Variants in MICAL2 observed in about 807,000 individuals in gnomAD.
MICAL2 encodes [F-actin]-monooxygenase MICAL2.
Under a neutral mutation model 127.3 loss-of-function variants are expected in MICAL2, and 77 were observed. The ratio of observed to expected loss-of-function variants is 0.60; its 90% CI spans 0.50 to 0.73. The LOEUF (loss-of-function observed/expected upper bound fraction) is 0.73, where lower values mean the gene tolerates loss of function less well. MICAL2 is among the 30% of genes least tolerant of loss of function. MICAL2 has a pLI of 0.00. For missense variants in MICAL2, 1,351 were observed against 1,434.4 expected, an observed-to-expected ratio of 0.94 and a Z score of 0.94; for synonymous variants, 570 against 551.1, an observed-to-expected ratio of 1.03 and a Z score of -0.48.
chr11:12,117,704 T>C (rs1372152407), intron 1 of MICAL2, among the ~76,000 whole-genome samples: 1 of 152,232 alleles, frequency 6.6e-6, no homozygotes, highest in Non-Finnish European at 1.5e-5. Context: ...GGTTGGGTGC[T>C]GTGTGTAGAG....
chr11:12,316,363 C>T (rs1217556991), intron 29 of MICAL2, among the ~76,000 whole-genome samples: 1 of 149,510 alleles, frequency 6.7e-6, no homozygotes, highest in African/African-American at 2.4e-5. Flanking sequence ...TTATGATTTT[C>T]AGTGTATAGG....
intron 29 of MICAL2, among the ~76,000 whole-genome samples, chr11:12,305,140 C>T (rs1864094053): frequency 6.6e-6 from 1 of 152,130 alleles, no homozygotes; most frequent in Non-Finnish European, 1.5e-5. Flanking sequence ...AAATATACTA[C>T]CCAAGACTGG....
At chr11:12,214,007 A>G (rs2134203970) in intron 7 of MICAL2, among the ~76,000 whole-genome samples, 1 of 152,312 alleles carries the variant, frequency 6.6e-6, no homozygotes, top group Non-Finnish European at 1.5e-5. Context: ...TTGAATGCCT[A>G]CTGTGTGCCA....
chr11:12,206,311 T>C (rs949418994), intron 4 of MICAL2, among the ~76,000 whole-genome samples: 2 of 152,278 alleles, frequency 1.3e-5, no homozygotes, highest in East Asian at 1.9e-4. Flanking sequence ...GGGGCTTTCA[T>C]TGAACCCCTA....
Position 12,188,485 on chromosome 11 carries a change from G to C in MICAL2, c.265-15765G>C, listed in dbSNP as rs544800658. On this transcript the variant is annotated intron_variant, in intron 3 of 27. Coordinates refer to ENST00000683283, the MANE Select transcript of MICAL2 (RefSeq NM_001282663.2). ...CACGAGCACCTAGTTGGAAGAGGCC[G>C]GGGAAGCTGCTGAACATCCTACAAT... Among the ~76,000 whole-genome samples, 656 of 152,204 alleles carry C rather than the reference G, an allele frequency of 4.3e-3. 5 individuals are homozygous for C. Among genetic ancestry groups the C allele is most frequent in the Non-Finnish European group, 6.2e-3 (421 of 68,018 alleles).
chr11:12,300,050 T>A lies in MICAL2; in HGVS notation c.5212+5193T>A, dbSNP rs1052190418. Among the ~76,000 whole-genome samples, 24 of 152,146 alleles carry A rather than the reference T, an allele frequency of 1.6e-4. 1 individual carries two copies. Among genetic ancestry groups the A allele is most frequent in the African/African-American group, 5.8e-4 (24 of 41,434 alleles). ...TGGCTCACAAATGTAATCCCAGCACTTTGGGAAGCAGAGGCGGGTGGATTA... is the reference window on the plus strand; with the variant it reads ...TGGCTCACAAATGTAATCCCAGCACATTGGGAAGCAGAGGCGGGTGGATTA... On this transcript the variant is annotated intron_variant, in intron 29 of 34. Transcript: ENST00000646065.
chr11:12,182,492 A>G (rs538724026), intron 3 of MICAL2, among the ~76,000 whole-genome samples: 2 of 152,330 alleles, frequency 1.3e-5, no homozygotes, highest in South Asian at 4.1e-4. Flanking sequence ...GCTTTAGCAC[A>G]CACGACACGA....
chr11:12,287,597 CCA>C (rs374186564), downstream of MICAL2, among the ~76,000 whole-genome samples: 8 of 151,506 alleles, frequency 5.3e-5, no homozygotes, highest in Middle Eastern at 3.4e-3. Context: ...ACCCACACAT[CCA>C]CACACACACA....
intron 30 of MICAL2, chr11:12,319,864 C>A: frequency 2.2e-6 from 3 of 1,393,552 alleles, no homozygotes; most frequent in South Asian, 1.2e-5. Context: ...GGCTGCTTAC[C>A]ATCCAGATTT....
chr11:12,341,292 G>A (rs531025861), intron 32 of MICAL2, among the ~76,000 whole-genome samples: 80 of 152,024 alleles, frequency 5.3e-4, no homozygotes, highest in Middle Eastern at 6.8e-3. Context: ...AAATTGCAGC[G>A]AACACTGAAT....
chr11:12,345,742 C>T (rs1036626361), intron 32 of MICAL2, among the ~76,000 whole-genome samples: 2 of 152,152 alleles, frequency 1.3e-5, no homozygotes, highest in Non-Finnish European at 2.9e-5. Context: ...ATAAGAGCCC[C>T]AGTGAAGATG....
chr11:12,126,223 GT>G lies in MICAL2; in HGVS notation c.-148-12163del, dbSNP rs1406556863. Among the ~76,000 whole-genome samples, 3 of 152,204 alleles carry G rather than the reference GT, an allele frequency of 2.0e-5. No individual in the cohort carries two copies. The South Asian group carries it at 6.2e-4, about 31-fold the overall frequency. On this transcript the variant is annotated intron_variant, in intron 1 of 27. Transcript: ENST00000683283. Reference sequence around the variant, plus strand: ...AAGCGTGCACCTGAGCCTCATGTTGGTTTTCTGCTGTCAGTCACTTAAAACT... The same window carrying G: ...AAGCGTGCACCTGAGCCTCATGTTGGTTTCTGCTGTCAGTCACTTAAAACT...
rs749093328 is a variant in MICAL2 at position 12,216,232 on chromosome 11, G to A, written c.861G>A (p.Glu287=). ...TTCTCTTTTCAGGCATAGATCTTGA[G>A]AACATTGTTTACTACAAGGACTGCA... ...DLKEETGIDL[E]NIVYYKDCTH... Residue 287 remains glutamate, a synonymous_variant, in exon 8 of 28, where the codon GAG becomes GAA. Coordinates refer to ENST00000683283, the MANE Select transcript of MICAL2 (RefSeq NM_001282663.2). 49 of 1,612,894 alleles carry A rather than the reference G, an allele frequency of 3.0e-5. No individual in the cohort carries two copies. Among genetic ancestry groups the A allele is most frequent in the Non-Finnish European group, 4.2e-5 (49 of 1,178,964 alleles).
intron 3 of MICAL2, 27 bp downstream of exon 3, chr11:12,162,446 C>T (rs569384428): frequency 6.2e-7 from 1 of 1,610,656 alleles, no homozygotes; most frequent in Non-Finnish European, 8.5e-7. Context: ...CTAGTCTTAC[C>T]TTTGCAGGGC....
At chr11:12,296,462 CTTTAG>C (rs1235612505), downstream of MICAL2, among the ~76,000 whole-genome samples, 1 of 150,142 alleles carries the variant, frequency 6.7e-6, no homozygotes, top group Non-Finnish European at 1.5e-5. Context: ...AACTATTAAA[CTTTAG>C]TTTAATAAAT....
Position 12,132,998 on chromosome 11 carries a change from C to A in MICAL2, c.-148-5392C>A, listed in dbSNP as rs570754633. 6.6e-5 allele frequency among the ~76,000 whole-genome samples: 10 copies of A among 152,294 alleles called. No individual in the cohort carries two copies. The South Asian group carries it at 2.1e-3, about 32-fold the overall frequency. ...TGTGTTCATCTCATGGCCCATGCTG[C>A]AGGAGAGGTGGGTGGTTGTCAGCAT... On this transcript the variant is annotated intron_variant, in intron 1 of 27. Transcript: ENST00000683283.
At chr11:12,230,092 G>T (rs1858021997) in intron 15 of MICAL2, among the ~76,000 whole-genome samples, 1 of 152,190 alleles carries the variant, frequency 6.6e-6, no homozygotes, top group Non-Finnish European at 1.5e-5. Context: ...AAATACCTCT[G>T]CATTCTGTCT....
intron 33 of MICAL2, among the ~76,000 whole-genome samples, chr11:12,352,797 T>C (rs116754960): frequency 0.01 from 1,553 of 151,046 alleles, 18 homozygotes; most frequent in African/African-American, 0.036. Context: ...AAAAGGAGAG[T>C]GGGGAGGGAG....
chr11:12,345,310 T>C (rs1483497320), intron 32 of MICAL2, among the ~76,000 whole-genome samples: 2 of 152,212 alleles, frequency 1.3e-5, no homozygotes, highest in African/African-American at 4.8e-5. Context: ...TTCAGGAAAC[T>C]ATTTTGACCT....
Sources: allele counts gnomAD v4.1 joint callset (sites outside exome capture counted in the v4.1 genomes callset), GRCh38; gene constraint gnomAD v4.1.1; transcripts MANE v1.5; gene names NCBI Gene and HGNC (gene_info 2026-07-23, HGNC 2026-07-21).